ST7: variants seen among roughly 807,000 people sequenced by gnomAD.
The protein encoded by ST7 is suppression of tumorigenicity 7, also known as suppressor of tumorigenicity 7 protein.
ST7 carries 28 observed loss-of-function variants against 78.7 expected under a neutral mutation model. The ratio of observed to expected loss-of-function variants is 0.36; its 90% CI spans 0.26 to 0.49. The LOEUF is 0.49. Among genes scored for constraint, ST7 ranks in the 20% least tolerant of loss-of-function variants. The pLI is 0.99. For missense variants in ST7, 418 were observed against 696.0 expected, an observed-to-expected ratio of 0.60 and a Z score of 4.49; for synonymous variants, 247 against 249.6, an observed-to-expected ratio of 0.99 and a Z score of 0.10.
At chr7:117,059,198 A>T (rs919269637) in intron 1 of ST7, among the ~76,000 whole-genome samples, 6 of 152,190 alleles carry the variant, frequency 3.9e-5, no homozygotes, top group Non-Finnish European at 8.8e-5. Flanking sequence ...GTGTAATTGG[A>T]TTGTTTGTAA....
At chr7:116,956,830 AAGG>A (rs1368600264) in intron 1 of ST7, 2 of 361,496 alleles carry the variant, frequency 5.5e-6, no homozygotes, top group Non-Finnish European at 1.1e-5. Context: ...CAGGGTAAAT[AAGG>A]AGTTTACTAC....
intron 3 of ST7, among the ~76,000 whole-genome samples, chr7:117,123,161 T>C (rs144006403): frequency 1.4e-4 from 22 of 152,316 alleles, no homozygotes; most frequent in African/African-American, 4.3e-4. Context: ...GTAATGGTAT[T>C]TTATTGATTA....
In ST7 at chr7:117,068,520, C is replaced by T. The variant is rs185735974; in HGVS notation, c.152-31242C>T. ...ATTCAAAGTTATTTTTATAATTGAGCGGTGCTCCTGAAAATAATTGGCTGT... is the reference window on the plus strand; with the variant it reads ...ATTCAAAGTTATTTTTATAATTGAGTGGTGCTCCTGAAAATAATTGGCTGT... On this transcript the variant is annotated intron_variant, in intron 1 of 15. Transcript: ENST00000323984. 3.3e-5 allele frequency among the ~76,000 whole-genome samples: 5 copies of T among 152,292 alleles called. No homozygotes were observed. The East Asian group carries it at 7.7e-4, about 24-fold the overall frequency.
At chr7:117,067,641 G>C (rs1033630594) in intron 1 of ST7, among the ~76,000 whole-genome samples, 2 of 152,166 alleles carry the variant, frequency 1.3e-5, no homozygotes, top group African/African-American at 4.8e-5. Context: ...GTGACTAGAA[G>C]GGTGGGAGAT....
At chr7:117,117,163 C>T (rs1413107568) in intron 2 of ST7, among the ~76,000 whole-genome samples, 1 of 152,170 alleles carries the variant, frequency 6.6e-6, no homozygotes, top group African/African-American at 2.4e-5. Context: ...AGTTCTCATT[C>T]TGCATCTGTA....
At chr7:116,968,577 A>G in intron 1 of ST7, 1 of 310,486 alleles carries the variant, frequency 3.2e-6, no homozygotes, top group Non-Finnish European at 6.7e-6. Flanking sequence ...TCATACTATT[A>G]GCGAGTCGCA....
intron 1 of ST7, among the ~76,000 whole-genome samples, chr7:117,006,012 T>C (rs1223030338): frequency 6.6e-6 from 1 of 152,210 alleles, no homozygotes; most frequent in Non-Finnish European, 1.5e-5. Flanking sequence ...CTTTCACCAG[T>C]ATCTTACATG....
At chr7:116,985,315 C>A (rs796780480) in intron 1 of ST7, among the ~76,000 whole-genome samples, 2 of 151,990 alleles carry the variant, frequency 1.3e-5, no homozygotes, top group Non-Finnish European at 2.9e-5. Context: ...GAAATGTGTG[C>A]GAAATTGGAC....
At chr7:117,031,822 C>G (rs1484122598) in intron 1 of ST7, among the ~76,000 whole-genome samples, 2,190 of 4,110 alleles carry the variant, frequency 0.53, 599 homozygotes, top group East Asian at 0.72. Context: ...ATGCATATAT[C>G]TATATCTATA....
rs534702227 is a variant in ST7 at position 117,048,083 on chromosome 7, T to C, written c.152-51679T>C. 2.0e-5 allele frequency among the ~76,000 whole-genome samples: 3 copies of C among 152,082 alleles called. No individual in the cohort carries two copies. In the East Asian group the frequency reaches 5.8e-4, roughly 29 times the overall value. The stretch of plus-strand genomic sequence containing the variant: ...TAAGAAAATCATAAGGAAGAGAAAA[T>C]ATATTTACTGTTCATTAAGTGGAAG... On this transcript the variant is annotated intron_variant, in intron 1 of 15. Transcript: ENST00000323984.
chr7:117,006,002 C>G (rs552717889), intron 1 of ST7, among the ~76,000 whole-genome samples: 1 of 152,294 alleles, frequency 6.6e-6, no homozygotes, highest in South Asian at 2.1e-4. Context: ...ACCATTGACA[C>G]TTTCACCAGT....
intron 12 of ST7, among the ~76,000 whole-genome samples, chr7:117,209,474 A>G (rs1484845801): frequency 6.6e-6 from 1 of 152,232 alleles, no homozygotes; most frequent in Non-Finnish European, 1.5e-5. Flanking sequence ...TGCTTCCAAA[A>G]TTATACCAAA....
At chr7:117,086,282 G>A (rs1248850667) in intron 1 of ST7, among the ~76,000 whole-genome samples, 1 of 152,134 alleles carries the variant, frequency 6.6e-6, no homozygotes, top group Non-Finnish European at 1.5e-5. Context: ...CTGGGCCAGA[G>A]GTACCTTCTG....
At chr7:117,007,588 A>AT (rs1795207582) in intron 1 of ST7, among the ~76,000 whole-genome samples, 1 of 152,240 alleles carries the variant, frequency 6.6e-6, no homozygotes, top group African/African-American at 2.4e-5. Context: ...AGGTGGCTAC[A>AT]CTCAACAACA....
chr7:117,145,720 C>G (rs746097279), intron 9 of ST7: 1 of 152,156 alleles, frequency 6.6e-6, no homozygotes, highest in Non-Finnish European at 1.5e-5. Context: ...GGGTTAGGAT[C>G]TCAACATGTC....
rs561472293 is a variant in ST7, at chr7:116,975,198, C to T, written c.151+21507C>T. On this transcript the variant is annotated intron_variant, in intron 1 of 15. Coordinates refer to ENST00000323984, the MANE Select transcript of ST7 (RefSeq NM_001369598.1). ...TCTTACATGGTAGCAGGCAAGAGAG[C>T]GTGTGCAGGGGAACTGCCCTTTATA... 1.6e-4 allele frequency among the ~76,000 whole-genome samples: 24 copies of T among 152,198 alleles called. 1 individual carries two copies. The highest frequency in any genetic ancestry group is 5.3e-4 in the African/African-American group (22 of 41,512).
chr7:116,954,195 C>T (rs1792313891), intron 1 of ST7: 1 of 151,916 alleles, frequency 6.6e-6, no homozygotes, highest in African/African-American at 2.4e-5. Context: ...GGAGGGTGCT[C>T]GGCGGCGAAG....
At chr7:117,021,026 C>T (rs1191325168) in intron 1 of ST7, among the ~76,000 whole-genome samples, 1 of 152,110 alleles carries the variant, frequency 6.6e-6, no homozygotes, top group Non-Finnish European at 1.5e-5. Context: ...TACATTTTTT[C>T]ATCTAAAGAG....
intron 1 of ST7, among the ~76,000 whole-genome samples, chr7:117,044,935 T>TC (rs1563038190): frequency 6.6e-6 from 1 of 152,056 alleles, no homozygotes. Flanking sequence ...CTAATGCCTC[T>TC]CCCCCCTACT....
Sources: allele counts gnomAD v4.1 joint callset (sites outside exome capture counted in the v4.1 genomes callset), GRCh38; gene constraint gnomAD v4.1.1; transcripts MANE v1.5; gene names NCBI Gene and HGNC (gene_info 2026-07-23, HGNC 2026-07-21).